Variants in RPH3A observed in about 807,000 individuals in gnomAD.
RPH3A encodes rabphilin-3A.
A neutral mutation model predicts 102.2 loss-of-function variants in RPH3A; 48 were observed. The ratio of observed to expected loss-of-function variants is 0.47; its 90% CI spans 0.37 to 0.60. RPH3A has a LOEUF of 0.60. RPH3A is among the 20% of genes least tolerant of loss of function. The pLI, the probability that RPH3A is intolerant of heterozygous loss-of-function variation, is 0.00. For missense variants in RPH3A, 781 were observed against 910.1 expected, an observed-to-expected ratio of 0.86 and a Z score of 1.83; for synonymous variants, 310 against 324.3, an observed-to-expected ratio of 0.96 and a Z score of 0.47.
chr12:112,738,410 C>T (rs564872743), intron 1 of RPH3A, among the ~76,000 whole-genome samples: 1 of 152,038 alleles, frequency 6.6e-6, no homozygotes, highest in Admixed American at 6.6e-5. Flanking sequence ...CCAGTATGTC[C>T]TCATCTTAAC....
intron 1 of RPH3A, among the ~76,000 whole-genome samples, chr12:112,578,681 T>C (rs1222281346): frequency 6.6e-6 from 1 of 152,208 alleles, no homozygotes; most frequent in Non-Finnish European, 1.5e-5. Flanking sequence ...TAGCAACCAC[T>C]TACATTTTAG....
chr12:112,598,862 C>T (rs779720999), intron 1 of RPH3A, among the ~76,000 whole-genome samples: 3 of 152,200 alleles, frequency 2.0e-5, no homozygotes, highest in Non-Finnish European at 4.4e-5. Flanking sequence ...AGGTTTAAAA[C>T]AAAAGTCTCC....
At chr12:112,761,804 C>T (rs1355879173) in intron 1 of RPH3A, among the ~76,000 whole-genome samples, 2 of 152,210 alleles carry the variant, frequency 1.3e-5, no homozygotes, top group Non-Finnish European at 2.9e-5. Context: ...GGGGCAAAAC[C>T]ACAGACAGTC....
In RPH3A at chr12:112,876,765, C is replaced by T. The variant is rs867320077; in HGVS notation, c.1070C>T (p.Ser357Phe). 6.2e-7 allele frequency: 1 copy of T among 1,612,638 alleles called. No individual in the cohort carries two copies. The change falls in exon 13 of 22, where the codon TCC (serine) becomes TTC (phenylalanine). Residue 357 changes from serine to phenylalanine, a missense_variant. Ser to Phe is a radical substitution (Grantham distance 155). This residue lies in a region of RPH3A where 730 missense variants were observed against 810.0 expected (regional missense o/e 0.90). Transcript: ENST00000389385. Reference protein sequence around the residue: ...DRMSHPSGPYSQASAAAPQPA... With the variant: ...DRMSHPSGPYFQASAAAPQPA... ...ATGAGCCACCCCTCCGGACCCTATTCCCAAGCATCTGCAGCTGCCCCCCAG... is the reference window on the plus strand; with the variant it reads ...ATGAGCCACCCCTCCGGACCCTATTTCCAAGCATCTGCAGCTGCCCCCCAG...
At chr12:112,597,027 G>A (rs995848557) in intron 1 of RPH3A, among the ~76,000 whole-genome samples, 5 of 152,148 alleles carry the variant, frequency 3.3e-5, no homozygotes, top group Non-Finnish European at 5.9e-5. Flanking sequence ...TGTTGCTAGT[G>A]CAGTATACCA....
At chr12:112,779,697 C>T (rs1313326919) in intron 1 of RPH3A, among the ~76,000 whole-genome samples, 2 of 152,138 alleles carry the variant, frequency 1.3e-5, no homozygotes, top group Non-Finnish European at 2.9e-5. Flanking sequence ...CCATACCCAT[C>T]ACACCTCCAC....
intron 1 of RPH3A, among the ~76,000 whole-genome samples, chr12:112,671,051 A>T (rs1425776179): frequency 6.6e-6 from 1 of 152,158 alleles, no homozygotes; most frequent in African/African-American, 2.4e-5. Context: ...TGACATTAAG[A>T]TATTGTTCAG....
At chr12:112,583,108 A>C (rs907031357) in intron 1 of RPH3A, among the ~76,000 whole-genome samples, 6 of 152,150 alleles carry the variant, frequency 3.9e-5, no homozygotes, top group Non-Finnish European at 7.3e-5. Context: ...TCTGACTTTC[A>C]TGCTTTATTA....
chr12:112,760,937 C>T (rs1409244083), intron 1 of RPH3A, among the ~76,000 whole-genome samples: 1 of 152,178 alleles, frequency 6.6e-6, no homozygotes, highest in Non-Finnish European at 1.5e-5. Flanking sequence ...ACAGCCACAA[C>T]CAATCAATCA....
chr12:112,896,897 C>T lies in RPH3A; in HGVS notation c.*117C>T. 2 of 1,135,460 alleles carry T rather than the reference C, an allele frequency of 1.8e-6. No homozygotes were observed. Among genetic ancestry groups the T allele is most frequent in the Middle Eastern group, 3.0e-4 (1 of 3,320 alleles). 70.3% of individuals were successfully genotyped at this position (1,135,460 alleles called of 1,614,324 possible). ...CCTCCCCCCATACCCTGCTGATCTC[C>T]CTGAGCCTGCCTTTGAGCCCCCGTC... On this transcript the variant is annotated 3_prime_UTR_variant, in exon 22 of 22. Coordinates refer to ENST00000389385, the MANE Select transcript of RPH3A (RefSeq NM_001143854.2).
chr12:112,774,135 A>G (rs2040948196), intron 1 of RPH3A, among the ~76,000 whole-genome samples: 1 of 152,072 alleles, frequency 6.6e-6, no homozygotes, highest in African/African-American at 2.4e-5. Flanking sequence ...GACATAGCAT[A>G]TCCTGACAAA....
intron 15 of RPH3A, among the ~76,000 whole-genome samples, 189 bp downstream of exon 15, chr12:112,882,035 G>T (rs1051747963): frequency 2.6e-5 from 4 of 152,196 alleles, no homozygotes; most frequent in Non-Finnish European, 5.9e-5. Context: ...TTGGGTAGGG[G>T]CTCTGCCCAT....
At chr12:112,658,859 C>T (rs571530924) in intron 1 of RPH3A, among the ~76,000 whole-genome samples, 2 of 152,262 alleles carry the variant, frequency 1.3e-5, no homozygotes, top group South Asian at 2.1e-4. Context: ...ATTGACCTTC[C>T]AGGCCAACGG....
chr12:112,678,317 GAA>G lies in RPH3A; in HGVS notation c.-140+103000_-140+103001del, dbSNP rs71086116. Reference sequence around the variant, plus strand: ...AGAAAGAAAGAAAGAGAGAGAGAGAGAAAGAAAGAAAGAAGGAAGGAAGGAAG... The same window carrying G: ...AGAAAGAAAGAAAGAGAGAGAGAGAGAGAAAGAAAGAAGGAAGGAAGGAAG... On this transcript the variant is annotated intron_variant, in intron 1 of 21. Coordinates refer to the RPH3A transcript ENST00000543106. Among the ~76,000 whole-genome samples the G allele has an allele frequency of 8.0e-4, 95 of 118,668 alleles. 1 individual carries two copies. Among genetic ancestry groups the G allele is most frequent in the Admixed American group, 9.4e-4 (12 of 12,780 alleles). 77.9% of individuals were successfully genotyped at this position (118,668 alleles called of 152,430 possible). A position where few individuals can be genotyped will look rare whatever the true frequency, so the allele number is the denominator to read the frequency against.
chr12:112,858,027 G>A (rs1434141304), intron 5 of RPH3A, among the ~76,000 whole-genome samples: 1 of 152,036 alleles, frequency 6.6e-6, no homozygotes, highest in African/African-American at 2.4e-5. Context: ...CCAGCACTTT[G>A]GGAGGCTTTG....
At chr12:112,762,157 C>A (rs920925335) in intron 1 of RPH3A, among the ~76,000 whole-genome samples, 1 of 152,182 alleles carries the variant, frequency 6.6e-6, no homozygotes, top group African/African-American at 2.4e-5. Flanking sequence ...AGTTTTCCCA[C>A]TTTTACCTTG....
chr12:112,615,188 C>T (rs562350023), intron 1 of RPH3A, among the ~76,000 whole-genome samples: 49 of 152,310 alleles, frequency 3.2e-4, no homozygotes, highest in African/African-American at 1.1e-3. Context: ...TGATTAAAGA[C>T]AGAAAATATG....
intron 1 of RPH3A, among the ~76,000 whole-genome samples, chr12:112,581,234 A>G (rs2039398616): frequency 6.6e-6 from 1 of 152,160 alleles, no homozygotes; most frequent in Non-Finnish European, 1.5e-5. Flanking sequence ...GGGAGGCCTC[A>G]CAATCACGGT....
At position 112,583,513 on chromosome 12, in the gene RPH3A, A is replaced by G. The variant is rs549092243; in HGVS notation, c.-140+8194A>G. On this transcript the variant is annotated intron_variant, in intron 1 of 21. Coordinates refer to the RPH3A transcript ENST00000543106. ...TAAAAAAAAATAGAAGAAAAGGAGG[A>G]GATTGATAAAGGGATGGAAGGAAGA... is the stretch of plus-strand genomic sequence containing the variant. Among the ~76,000 whole-genome samples the G allele has an allele frequency of 3.0e-4, 45 of 152,146 alleles. No individual in the cohort carries two copies. In the South Asian group the frequency reaches 8.5e-3, roughly 29 times the overall value.
Sources: allele counts gnomAD v4.1 joint callset (sites outside exome capture counted in the v4.1 genomes callset), GRCh38; gene constraint gnomAD v4.1.1; regional missense constraint gnomAD v4.1.1; transcripts MANE v1.5; gene names NCBI Gene and HGNC (gene_info 2026-07-23, HGNC 2026-07-21).